The following ARHGAP35 variants were observed in gnomAD, a reference collection of about 807,000 sequenced individuals.
The protein encoded by ARHGAP35 is rho GTPase-activating protein 35.
ARHGAP35 carries 15 observed loss-of-function variants against 111.1 expected under a neutral mutation model. That is an observed-to-expected ratio of 0.13 (90% CI 0.09 to 0.21). The LOEUF (loss-of-function observed/expected upper bound fraction) is 0.21, where lower values mean the gene tolerates loss of function less well. Ranked by LOEUF, ARHGAP35 falls within the 10% of genes least tolerant of loss-of-function variation. ARHGAP35 has a pLI of 1.00. For missense variants in ARHGAP35, 1,262 were observed against 1,873.0 expected, an observed-to-expected ratio of 0.67 and a Z score of 6.02; for synonymous variants, 643 against 710.3, an observed-to-expected ratio of 0.91 and a Z score of 1.51.
At chr19:46,955,222 C>T (rs1376876586) in intron 3 of ARHGAP35, among the ~76,000 whole-genome samples, 2 of 152,140 alleles carry the variant, frequency 1.3e-5, no homozygotes, top group Non-Finnish European at 2.9e-5. Flanking sequence ...TGATACAACT[C>T]CTAGCGGGGG....
In ARHGAP35 at chr19:47,001,163, A is replaced by G; in HGVS notation, c.*475A>G. ...TTCCATCTGCACACACCCCCAAGGT[A>G]AGGGTACAGCCCGGCTGGCGGCCTC... On this transcript the variant is annotated 3_prime_UTR_variant, in exon 7 of 7. Transcript: ENST00000672722. This position sits in a 1 kb window ranked among gnomAD's most constrained non-coding sequence, Gnocchi z 5.4. 1.6e-6 allele frequency: 2 copies of G among 1,231,748 alleles called. No individual in the cohort carries two copies. The highest frequency in any genetic ancestry group is 2.8e-5 in the South Asian group (2 of 70,804). The allele number at this position is 1,231,748 out of a possible 1,614,324, so 76.3% of individuals were successfully genotyped here.
chr19:46,934,477 C>T (rs2056292743), intron 2 of ARHGAP35, among the ~76,000 whole-genome samples: 5 of 152,092 alleles, frequency 3.3e-5, no homozygotes, highest in Admixed American at 2.0e-4. Context: ...AAGTGATTCT[C>T]CCACCTCAGC....
intron 5 of ARHGAP35, among the ~76,000 whole-genome samples, chr19:46,991,895 T>C (rs1269284882): frequency 2.0e-5 from 3 of 152,242 alleles, no homozygotes; most frequent in Non-Finnish European, 4.4e-5. Flanking sequence ...CTGAGAGCAA[T>C]TGTGTCTCTA....
At position 47,000,493 on chromosome 19, in the gene ARHGAP35, C is replaced by T. The variant is rs763259104; in HGVS notation, c.4305C>T (p.Phe1435=). 1.2e-6 allele frequency: 2 copies of T among 1,613,836 alleles called. No homozygotes were observed. The highest frequency in any genetic ancestry group is 1.7e-6 in the Non-Finnish European group (2 of 1,179,878). ...IELFIQQCPF[F]FYNRPITEPP... is the part of the protein sequence containing the mutation. Reference sequence around the variant, plus strand: ...TCTTTATCCAGCAGTGCCCCTTCTTCTTCTACAATCGGCCCATCACCGAGC... The same window carrying T: ...TCTTTATCCAGCAGTGCCCCTTCTTTTTCTACAATCGGCCCATCACCGAGC... Residue 1435 remains phenylalanine, a synonymous_variant, in exon 7 of 7, where the codon TTC becomes TTT. Coordinates refer to ENST00000672722, the MANE Select transcript of ARHGAP35 (RefSeq NM_004491.5). The surrounding 1 kb of genome is among the most constrained non-coding windows in gnomAD (Gnocchi z 6.9).
At chr19:46,867,891 G>A (rs189023366) in intron 1 of ARHGAP35, among the ~76,000 whole-genome samples, 108 of 152,080 alleles carry the variant, frequency 7.1e-4, no homozygotes, top group Admixed American at 1.3e-3. Flanking sequence ...TTTTGAGACA[G>A]AGTCTCGCTC....
chr19:46,930,916 A>G (rs373237742), intron 2 of ARHGAP35, among the ~76,000 whole-genome samples: 4 of 151,980 alleles, frequency 2.6e-5, no homozygotes, highest in Non-Finnish European at 4.4e-5. Flanking sequence ...CCTTGGGGTG[A>G]TTCATAAATT....
chr19:46,903,194 T>C (rs1300188120), intron 1 of ARHGAP35, among the ~76,000 whole-genome samples: 2 of 152,148 alleles, frequency 1.3e-5, no homozygotes, highest in African/African-American at 4.8e-5. Flanking sequence ...GGAACTGGGT[T>C]GAGACACCTA....
chr19:46,998,977 CA>C (rs1391377612), intron 5 of ARHGAP35: 1 of 280,154 alleles, frequency 3.6e-6, no homozygotes, highest in Non-Finnish European at 6.7e-6. Context: ...TGCCTGTCTC[CA>C]GGGGCAACCG....
intron 1 of ARHGAP35, among the ~76,000 whole-genome samples, chr19:46,869,345 A>C (rs767022007): frequency 6.6e-6 from 1 of 152,172 alleles, no homozygotes; most frequent in Non-Finnish European, 1.5e-5. Context: ...TAATCCCAGC[A>C]CTTTGGAAGG....
intron 3 of ARHGAP35, among the ~76,000 whole-genome samples, chr19:46,969,984 A>G (rs1216429233): frequency 6.6e-5 from 10 of 151,960 alleles, no homozygotes; most frequent in Admixed American, 5.9e-4. Flanking sequence ...TGTTTCCCCT[A>G]CTGAACTGTG....
At chr19:46,947,416 G>A (rs766889481) in intron 3 of ARHGAP35, 6 of 152,192 alleles carry the variant, frequency 3.9e-5, no homozygotes, top group African/African-American at 1.2e-4. Flanking sequence ...TCACATTGCC[G>A]AAGGGAGTGT....
chr19:46,894,800 G>A (rs1367200555), intron 1 of ARHGAP35, among the ~76,000 whole-genome samples: 2 of 152,066 alleles, frequency 1.3e-5, no homozygotes, highest in Non-Finnish European at 2.9e-5. Flanking sequence ...CCTATGTCAT[G>A]TCTTACTCTG....
intron 3 of ARHGAP35, among the ~76,000 whole-genome samples, chr19:46,984,611 G>A (rs1173365643): frequency 9.2e-5 from 14 of 152,080 alleles, no homozygotes; most frequent in Admixed American, 8.5e-4. Context: ...CCTAAATTAC[G>A]CCGTGGTATT....
At chr19:46,991,793 A>G (rs1166461869) in intron 5 of ARHGAP35, among the ~76,000 whole-genome samples, 1 of 152,204 alleles carries the variant, frequency 6.6e-6, no homozygotes, top group African/African-American at 2.4e-5. Flanking sequence ...GATATTATGG[A>G]AAAAAGATGA....
intron 2 of ARHGAP35, among the ~76,000 whole-genome samples, chr19:46,927,987 C>A (rs1469755312): frequency 6.6e-6 from 1 of 152,158 alleles, no homozygotes; most frequent in Non-Finnish European, 1.5e-5. Flanking sequence ...AAATCCATTT[C>A]TCCTCACTGC....
At chr19:46,927,019 T>C (rs2056242426) in intron 2 of ARHGAP35, among the ~76,000 whole-genome samples, 1 of 152,230 alleles carries the variant, frequency 6.6e-6, no homozygotes, top group South Asian at 2.1e-4. Flanking sequence ...AGACTCTCAG[T>C]GTGTGCTTCA....
chr19:47,001,083 G>A lies in ARHGAP35; in HGVS notation c.*395G>A, dbSNP rs1045866304. On this transcript the variant is annotated 3_prime_UTR_variant, in exon 7 of 7. Coordinates refer to ENST00000672722, the MANE Select transcript of ARHGAP35 (RefSeq NM_004491.5). This position sits in a 1 kb window ranked among gnomAD's most constrained non-coding sequence, Gnocchi z 5.4. ...GGAGGAGGATGCTCTGAGATTCAGG[G>A]TGGGGCTGGCAACCCCTGAAGAGAA... 1 of 1,291,128 alleles carries A rather than the reference G, an allele frequency of 7.7e-7. No individual in the cohort carries two copies. The highest frequency in any genetic ancestry group is 1.4e-5 in the South Asian group (1 of 72,858). 80.0% of individuals were successfully genotyped at this position (1,291,128 alleles called of 1,614,324 possible). A position where few individuals can be genotyped will look rare whatever the true frequency, so the allele number is the denominator to read the frequency against.
In ARHGAP35 at chr19:47,003,804, T is replaced by G. The variant is rs2056761017; in HGVS notation, c.*3116T>G. 1 of 152,070 alleles carries G rather than the reference T, an allele frequency of 6.6e-6. No individual in the cohort carries two copies. The highest frequency in any genetic ancestry group is 1.5e-5 in the Non-Finnish European group (1 of 68,040). The allele number at this position is 152,070 out of a possible 1,614,324, so 9.4% of individuals were successfully genotyped here. A position where few individuals can be genotyped will look rare whatever the true frequency, so the allele number is the denominator to read the frequency against. ...GAGCAGCTCGCTGGCCAGAAGGGGATGGGGGCATCCCTGTGCCTCACTCAG... is the reference window on the plus strand; with the variant it reads ...GAGCAGCTCGCTGGCCAGAAGGGGAGGGGGGCATCCCTGTGCCTCACTCAG... On this transcript the variant is annotated 3_prime_UTR_variant, in exon 7 of 7. Transcript: ENST00000672722.
At chr19:46,951,590 A>G (rs186926685) in intron 3 of ARHGAP35, among the ~76,000 whole-genome samples, 1 of 152,298 alleles carries the variant, frequency 6.6e-6, no homozygotes, top group Admixed American at 6.5e-5. Context: ...AATGGGGATA[A>G]TGATGGTACT....
Sources: gnomAD v4.1 joint callset for allele counts (sites outside exome capture counted in the v4.1 genomes callset) on GRCh38, gnomAD v4.1.1 for gene constraint, Gnocchi (gnomAD v3.1) non-coding constraint, MANE v1.5 for transcripts, NCBI Gene and HGNC (gene_info 2026-07-23, HGNC 2026-07-21) for gene names.